SHROOM1: variants seen among roughly 807,000 people sequenced by gnomAD.
SHROOM1 encodes the protein shroom family member 1.
Under a neutral mutation model 64.2 loss-of-function variants are expected in SHROOM1, and 53 were observed. The ratio of observed to expected loss-of-function variants is 0.83; its 90% CI spans 0.66 to 1.04. The LOEUF is 1.04. Ranked by LOEUF, SHROOM1 falls within the 50% of genes least tolerant of loss-of-function variation. The pLI is 0.00. For synonymous variants in SHROOM1, 490 were observed against 518.9 expected (o/e 0.94, Z 0.76); for missense variants, 1,179 against 1,163.2 (o/e 1.01, Z -0.20).
chr5:132,830,111 G>A lies in SHROOM1; in HGVS notation c.-501+483C>T. ...CGGCCGCAGGGGGCGGCAGAGACAC[G>A]CGGAGCGGCTCGACAGCAGATGGCC... is the stretch of plus-strand genomic sequence containing the variant. On this transcript the variant is annotated intron_variant, in intron 1 of 9. Transcript: ENST00000378679. The surrounding 1 kb of genome is among the most constrained non-coding windows in gnomAD (Gnocchi z 5.9). 1.0e-6 allele frequency: 1 copy of A among 985,410 alleles called. No individual in the cohort carries two copies. Among genetic ancestry groups the A allele is most frequent in the Middle Eastern group, 5.2e-4 (1 of 1,914 alleles). 61.0% of individuals were successfully genotyped at this position (985,410 alleles called of 1,614,324 possible).
chr5:132,824,290 C>T lies in SHROOM1; in HGVS notation c.1371G>A (p.Val457=). The T allele has an allele frequency of 6.2e-7, 1 of 1,613,704 alleles. No individual in the cohort carries two copies. Among genetic ancestry groups the T allele is most frequent in the Non-Finnish European group, 8.5e-7 (1 of 1,179,820 alleles). The part of the protein sequence containing the change: ...TAGADDCWQG[V]NGSVGISRPT... ...GCCTGGAAATACCTACAGAACCATT[C>T]ACCCCCTGCCAGCAGTCATCTGCCC... The change falls in exon 7 of 10, where the codon GTG becomes GTA. Residue 457 remains valine, a synonymous_variant. Coordinates refer to ENST00000378679, the MANE Select transcript of SHROOM1 (RefSeq NM_001172700.2).
chr5:132,826,972 C>T (rs1474272821), intron 2 of SHROOM1, among the ~76,000 whole-genome samples: 1 of 152,186 alleles, frequency 6.6e-6, no homozygotes, highest in African/African-American at 2.4e-5. Flanking sequence ...CCAAGGAAGC[C>T]CACACTCCAC....
At position 132,824,398 on chromosome 5, in the gene SHROOM1, C is replaced by T. The variant is rs202172104; in HGVS notation, c.1263G>A (p.Pro421=). The T allele has an allele frequency of 1.7e-5, 27 of 1,554,340 alleles. No homozygotes were observed. Among genetic ancestry groups the T allele is most frequent in the East Asian group, 2.2e-5 (1 of 44,452 alleles). The stretch of plus-strand genomic sequence containing the variant: ...TTCTTTGGCCTAAGCCAGTTCCATA[C>T]GGCTGGTCAGAGGCATGGACACTGG... ...PPASVHASDQ[P]YGTGLGQRTG... The change falls in exon 7 of 10, where the codon CCG becomes CCA. Residue 421 remains proline (P), a synonymous_variant. Coordinates refer to ENST00000378679, the MANE Select transcript of SHROOM1 (RefSeq NM_001172700.2).
At position 132,822,682 on chromosome 5, in the gene SHROOM1, G is replaced by A; in HGVS notation, c.*114C>T. 1 of 1,252,156 alleles carries A rather than the reference G, an allele frequency of 8.0e-7. No individual in the cohort carries two copies. The highest frequency in any genetic ancestry group is 1.1e-6 in the Non-Finnish European group (1 of 917,616). 77.6% of individuals were successfully genotyped at this position (1,252,156 alleles called of 1,614,324 possible). On this transcript the variant is annotated 3_prime_UTR_variant, in exon 10 of 10. Coordinates refer to ENST00000378679, the MANE Select transcript of SHROOM1 (RefSeq NM_001172700.2). Reference sequence around the variant, plus strand: ...CCGGCTGGAGGAGTATCTTAGAAAGGCCTGGACTGGGTCCTCCCCAATCCC... The same window carrying A: ...CCGGCTGGAGGAGTATCTTAGAAAGACCTGGACTGGGTCCTCCCCAATCCC...
At position 132,825,311 on chromosome 5, in the gene SHROOM1, G is replaced by A; in HGVS notation, c.830C>T (p.Pro277Leu). The A allele has an allele frequency of 6.2e-7, 1 of 1,611,002 alleles. No individual in the cohort carries two copies. Among genetic ancestry groups the A allele is most frequent in the Non-Finnish European group, 8.5e-7 (1 of 1,179,766 alleles). Residue 277 changes from proline (P) to leucine (L), a missense_variant, in exon 4 of 10, where the codon CCC becomes CTC. By Grantham distance (98) the Pro-to-Leu change is moderately conservative. Coordinates refer to ENST00000378679, the MANE Select transcript of SHROOM1 (RefSeq NM_001172700.2). This position sits in a 1 kb window ranked among gnomAD's most constrained non-coding sequence, Gnocchi z 5.1. ...CATGGAGCCTTGGGGTTGCGTCTCG[G>A]GCAGCCATCCGACCTCGTGATCTTC... ...KFEDHEVGWL[P>L]ETQPQGSMNL... is the part of the protein sequence containing the mutation.
At position 132,824,096 on chromosome 5, in the gene SHROOM1, G is replaced by A. The variant is rs773493127; in HGVS notation, c.1565C>T (p.Thr522Ile). The A allele has an allele frequency of 6.2e-7, 1 of 1,614,036 alleles. No individual in the cohort carries two copies. Among genetic ancestry groups the A allele is most frequent in the Non-Finnish European group, 8.5e-7 (1 of 1,179,974 alleles). Residue 522 changes from threonine to isoleucine, a missense_variant, in exon 7 of 10, where the codon ACT becomes ATT. By Grantham distance (89) the Thr-to-Ile change is moderately conservative. Transcript: ENST00000378679. ...GNDTPGPSHN[T>I]ALARGTGQPG... The stretch of plus-strand genomic sequence containing the variant: ...CTGGCCAGTGCCCCTGGCTAGGGCA[G>A]TATTGTGAGAGGGACCTGGAGTATC...
intron 2 of SHROOM1, 77 bp downstream of exon 2, chr5:132,827,384 A>T (rs1191010144): frequency 6.6e-6 from 1 of 152,374 alleles, no homozygotes; most frequent in Admixed American, 6.5e-5. Context: ...TGGGAGGCCG[A>T]GGTGGGCGGA....
In SHROOM1 at chr5:132,825,385, G is replaced by A. The variant is rs1758639001; in HGVS notation, c.756C>T (p.Leu252=). Residue 252 remains leucine (L), a synonymous_variant, in exon 4 of 10, where the codon CTC becomes CTT. Transcript: ENST00000378679. The surrounding 1 kb of genome is among the most constrained non-coding windows in gnomAD (Gnocchi z 5.1). ...CLGEACSSSG[L]PGPEPLEFQH... is the part of the protein sequence containing the mutation. Reference sequence around the variant, plus strand: ...GGAACTCCAAGGGCTCGGGCCCAGGGAGGCCAGAGCTGGAGCAGGCCTCAC... The same window carrying A: ...GGAACTCCAAGGGCTCGGGCCCAGGAAGGCCAGAGCTGGAGCAGGCCTCAC... 1.9e-6 allele frequency: 3 copies of A among 1,597,300 alleles called. No homozygotes were observed. The highest frequency in any genetic ancestry group is 2.5e-6 in the Non-Finnish European group (3 of 1,178,720).
Position 132,826,360 on chromosome 5 carries a change from G to C in SHROOM1, c.-126C>G. 1 of 1,092,766 alleles carries C rather than the reference G, an allele frequency of 9.2e-7. No individual in the cohort carries two copies. The highest frequency in any genetic ancestry group is 1.2e-6 in the Non-Finnish European group (1 of 859,422). The allele number at this position is 1,092,766 out of a possible 1,614,324, so 67.7% of individuals were successfully genotyped here. A position where few individuals can be genotyped will look rare whatever the true frequency, so the allele number is the denominator to read the frequency against. Reference sequence around the variant, plus strand: ...TCACCTTGGGATCAGAGGTGGCAGAGGAAGTAGGACCAGTCCCAGGGAGCA... The same window carrying C: ...TCACCTTGGGATCAGAGGTGGCAGACGAAGTAGGACCAGTCCCAGGGAGCA... On this transcript the variant is annotated 5_prime_UTR_variant, in exon 3 of 10. Transcript: ENST00000378679.
Position 132,823,729 on chromosome 5 carries a change from G to A in SHROOM1, c.1847C>T (p.Ala616Val), listed in dbSNP as rs1339585607. Residue 616 changes from alanine (A) to valine (V), a missense_variant, in exon 8 of 10, where the codon GCT (alanine) becomes GTT (valine). Coordinates refer to ENST00000378679, the MANE Select transcript of SHROOM1 (RefSeq NM_001172700.2). The surrounding 1 kb of genome is among the most constrained non-coding windows in gnomAD (Gnocchi z 4.6). ...YQFSFTQLLP[A>V]PREETRLENP... is the part of the protein sequence containing the mutation. Reference sequence around the variant, plus strand: ...TTCAAGCCTTGTCTCCTCCCGAGGAGCCGGCAGGAGCTGGGTGAAGCTGAA... The same window carrying A: ...TTCAAGCCTTGTCTCCTCCCGAGGAACCGGCAGGAGCTGGGTGAAGCTGAA... The A allele has an allele frequency of 3.1e-6, 5 of 1,607,066 alleles. No homozygotes were observed. Among genetic ancestry groups the A allele is most frequent in the African/African-American group, 1.3e-5 (1 of 74,806 alleles).
intron 5 of SHROOM1, 61 bp from the exon 6 acceptor site, chr5:132,824,882 A>G (rs1758606709): frequency 1.1e-5 from 17 of 1,605,246 alleles, no homozygotes; most frequent in Non-Finnish European, 1.4e-5. Context: ...GTGTTGCACC[A>G]GGGAGACAGT....
rs756914615 is a variant in SHROOM1 at position 132,826,006 on chromosome 5, C to G, written c.135G>C (p.Pro45=). The change falls in exon 4 of 10, where the codon CCG becomes CCC. Residue 45 remains proline, a synonymous_variant. Transcript: ENST00000378679. ...GGTCTGTCCCCGGCGACTGCGTGCG[C>G]GGCTCGGGGCCGCCGGAGGCTGCGG... ...SFSAASGGPE[P]RTQSPGTDLL... is the part of the protein sequence containing the mutation. 3.9e-6 allele frequency: 6 copies of G among 1,530,872 alleles called. No individual in the cohort carries two copies. The highest frequency in any genetic ancestry group is 4.4e-6 in the Non-Finnish European group (5 of 1,139,510). The allele number at this position is 1,530,872 out of a possible 1,614,324, so 94.8% of individuals were successfully genotyped here.
At position 132,826,065 on chromosome 5, in the gene SHROOM1, A is replaced by G. The variant is rs1303941271; in HGVS notation, c.76T>C (p.Ser26Pro). Reference protein sequence around the residue: ...STSSLDLWHLSMRADSAYSSF... With the variant: ...STSSLDLWHLPMRADSAYSSF... ...CTGTAGGCCGAGTCCGCGCGCATGG[A>G]CAGATGCCACAGGTCCAGGCTGCTA... Residue 26 changes from serine to proline, a missense_variant, in exon 4 of 10, where the codon TCC becomes CCC. Ser to Pro is a moderately conservative substitution (Grantham distance 74). Transcript: ENST00000378679. The G allele has an allele frequency of 2.1e-5, 30 of 1,454,702 alleles. No homozygotes were observed. Among genetic ancestry groups the G allele is most frequent in the Non-Finnish European group, 2.6e-5 (29 of 1,104,604 alleles). The allele number at this position is 1,454,702 out of a possible 1,614,324, so 90.1% of individuals were successfully genotyped here.
chr5:132,825,831 G>C lies in SHROOM1; in HGVS notation c.310C>G (p.Pro104Ala). 7.9e-7 allele frequency: 1 copy of C among 1,263,528 alleles called. No individual in the cohort carries two copies. The highest frequency in any genetic ancestry group is 1.0e-6 in the Non-Finnish European group (1 of 1,003,574). 78.3% of individuals were successfully genotyped at this position (1,263,528 alleles called of 1,614,324 possible). The change falls in exon 4 of 10, where the codon CCG (proline) becomes GCG (alanine). Residue 104 changes from proline (P) to alanine (A), a missense_variant. Pro to Ala is a conservative substitution (Grantham distance 27). Transcript: ENST00000378679. This position sits in a 1 kb window ranked among gnomAD's most constrained non-coding sequence, Gnocchi z 5.1. ...GTGGCCTGCCTGTTCAGTGGTCCCG[G>C]GGTCCCCGGGACCTCTGTTGGCTGC... is the stretch of plus-strand genomic sequence containing the variant. ...GPQPTEVPGT[P>A]GPLNRQATPL...
chr5:132,825,281 A>C lies in SHROOM1; in HGVS notation c.860T>G (p.Leu287Arg). 1 of 1,613,316 alleles carries C rather than the reference A, an allele frequency of 6.2e-7. No homozygotes were observed. The highest frequency in any genetic ancestry group is 8.5e-7 in the Non-Finnish European group (1 of 1,179,888). ...PETQPQGSMN[L>R]DSGSLKLGDA... ...ACCGAGCTTCAAGGACCCGGAGTCC[A>C]GGTTCATGGAGCCTTGGGGTTGCGT... The change falls in exon 4 of 10, where the codon CTG becomes CGG. Residue 287 changes from leucine to arginine, a missense_variant. Physicochemically the swap from Leu to Arg is moderately radical, Grantham distance 102. Coordinates refer to ENST00000378679, the MANE Select transcript of SHROOM1 (RefSeq NM_001172700.2). The surrounding 1 kb of genome is among the most constrained non-coding windows in gnomAD (Gnocchi z 5.1).
At position 132,825,456 on chromosome 5, in the gene SHROOM1, G is replaced by A; in HGVS notation, c.685C>T (p.Leu229=). Residue 229 remains leucine (L), a synonymous_variant, in exon 4 of 10, where the codon CTG becomes TTG. Transcript: ENST00000378679. The surrounding 1 kb of genome is among the most constrained non-coding windows in gnomAD (Gnocchi z 5.1). The part of the protein sequence containing the change: ...RKWCFSEPGK[L]DRVGRGGGPA... ...CCACCGCCCCGACCCACACGATCCA[G>A]CTTTCCTGGCTCTGAGAAGCACCAC... 6.3e-7 allele frequency: 1 copy of A among 1,577,184 alleles called. No individual in the cohort carries two copies.
chr5:132,824,284 A>G lies in SHROOM1; in HGVS notation c.1377T>C (p.Gly459=). Residue 459 remains glycine, a synonymous_variant, in exon 7 of 10, where the codon GGT becomes GGC. Coordinates refer to ENST00000378679, the MANE Select transcript of SHROOM1 (RefSeq NM_001172700.2). ...TTGTGGGCCTGGAAATACCTACAGA[A>G]CCATTCACCCCCTGCCAGCAGTCAT... ...GADDCWQGVN[G]SVGISRPTSH... 6.2e-7 allele frequency: 1 copy of G among 1,613,736 alleles called. No homozygotes were observed. The highest frequency in any genetic ancestry group is 1.1e-5 in the South Asian group (1 of 91,022).
In SHROOM1 at chr5:132,825,133, TCACCAGCCTG is replaced by T. The variant is rs1350502007; in HGVS notation, c.978+20_978+29del. ...AAGTTTTGTTTCCCAGATGCTCCCCTCACCAGCCTGCATCTCCTGACTTCCATACCTGGAC... is the reference window on the plus strand; with the variant it reads ...AAGTTTTGTTTCCCAGATGCTCCCCTCATCTCCTGACTTCCATACCTGGAC... On this transcript the variant is annotated intron_variant, in intron 4 of 9. Transcript: ENST00000378679. The surrounding 1 kb of genome is among the most constrained non-coding windows in gnomAD (Gnocchi z 5.1). 6.2e-7 allele frequency: 1 copy of T among 1,613,954 alleles called. No individual in the cohort carries two copies. The highest frequency in any genetic ancestry group is 8.5e-7 in the Non-Finnish European group (1 of 1,180,016).
rs1758547356 is a variant in SHROOM1 at position 132,823,789 on chromosome 5, G to A, written c.1812-25C>T. The A allele has an allele frequency of 6.5e-7, 1 of 1,537,526 alleles. No homozygotes were observed. Among genetic ancestry groups the A allele is most frequent in the Non-Finnish European group, 8.8e-7 (1 of 1,142,738 alleles). On this transcript the variant is annotated intron_variant, in intron 7 of 9. Coordinates refer to ENST00000378679, the MANE Select transcript of SHROOM1 (RefSeq NM_001172700.2). This position sits in a 1 kb window ranked among gnomAD's most constrained non-coding sequence, Gnocchi z 4.6. The stretch of plus-strand genomic sequence containing the variant: ...CCTGGGAACAAAACCAGAGCTCCCT[G>A]GGTTTCCTGTCCCCAACTTCAGGGG...
Sources: gnomAD v4.1 joint callset for allele counts (sites outside exome capture counted in the v4.1 genomes callset) on GRCh38, gnomAD v4.1.1 for gene constraint, Gnocchi (gnomAD v3.1) non-coding constraint, MANE v1.5 for transcripts, NCBI Gene and HGNC (gene_info 2026-07-23, HGNC 2026-07-21) for gene names.